Variants in CDH4 observed in about 807,000 individuals in gnomAD.
The protein encoded by CDH4 is cadherin 4.
Under a neutral mutation model 86.0 loss-of-function variants are expected in CDH4, and 33 were observed. The observed-to-expected ratio is 0.38, with a 90% confidence interval of 0.29 to 0.51. The LOEUF is 0.51. Among genes scored for constraint, CDH4 ranks in the 20% least tolerant of loss-of-function variants. CDH4 has a pLI of 0.86. For synonymous variants in CDH4, 555 were observed against 549.4 expected, an observed-to-expected ratio of 1.01 and a Z score of -0.14; for missense variants, 1,114 against 1,307.4, an observed-to-expected ratio of 0.85 and a Z score of 2.28.
intron 2 of CDH4, among the ~76,000 whole-genome samples, chr20:61,598,667 C>T (rs1204265831): frequency 2.0e-5 from 3 of 152,172 alleles, no homozygotes; most frequent in Non-Finnish European, 2.9e-5. Context: ...TCCTGTAGAA[C>T]GGGGACTTTG....
chr20:61,367,682 G>C (rs909765904), intron 2 of CDH4, among the ~76,000 whole-genome samples: 2 of 152,012 alleles, frequency 1.3e-5, no homozygotes, highest in African/African-American at 4.8e-5. Context: ...ACTTTCTTGC[G>C]GCAAAATGTC....
intron 2 of CDH4, among the ~76,000 whole-genome samples, chr20:61,284,032 C>T (rs1030265117): frequency 2.0e-5 from 3 of 151,854 alleles, no homozygotes; most frequent in African/African-American, 7.3e-5. Flanking sequence ...TTTGGCCGGG[C>T]GCGGTGGCTC....
chr20:61,830,296 G>A (rs1981536839), intron 4 of CDH4, among the ~76,000 whole-genome samples: 2 of 152,142 alleles, frequency 1.3e-5, no homozygotes, highest in African/African-American at 2.4e-5. Flanking sequence ...TCAGCGTCCT[G>A]CGTGGAACAT....
At chr20:61,530,282 G>T (rs185135371) in intron 2 of CDH4, among the ~76,000 whole-genome samples, 1 of 152,058 alleles carries the variant, frequency 6.6e-6, no homozygotes, top group Non-Finnish European at 1.5e-5. Flanking sequence ...CCGCCCCTTC[G>T]GCCTCCCAAA....
At chr20:61,336,427 C>T (rs1370100669) in intron 2 of CDH4, among the ~76,000 whole-genome samples, 1 of 152,220 alleles carries the variant, frequency 6.6e-6, no homozygotes, top group Non-Finnish European at 1.5e-5. Context: ...ACAACCACCA[C>T]CACCACCACG....
At chr20:61,674,104 C>G (rs2087419857) in intron 2 of CDH4, among the ~76,000 whole-genome samples, 1 of 152,156 alleles carries the variant, frequency 6.6e-6, no homozygotes, top group African/African-American at 2.4e-5. Context: ...CCCTAGCTTT[C>G]TTCTGCAGCC....
intron 4 of CDH4, among the ~76,000 whole-genome samples, chr20:61,780,109 G>A (rs1430267810): frequency 2.0e-5 from 3 of 152,164 alleles, no homozygotes; most frequent in African/African-American, 7.2e-5. Flanking sequence ...TGGCCTGAAT[G>A]CTCACCTTGC....
chr20:61,364,365 G>A (rs2123324470), intron 2 of CDH4, among the ~76,000 whole-genome samples: 1 of 152,286 alleles, frequency 6.6e-6, no homozygotes, highest in Admixed American at 6.5e-5. Context: ...CTATCCCTGG[G>A]GGCTCCTCAC....
intron 2 of CDH4, among the ~76,000 whole-genome samples, chr20:61,276,825 C>T (rs570079718): frequency 4.6e-5 from 7 of 152,192 alleles, no homozygotes; most frequent in Non-Finnish European, 1.0e-4. Flanking sequence ...TCACATTGTT[C>T]ATTGCTGTTA....
At chr20:61,741,101 TG>T (rs2088326869) in intron 2 of CDH4, among the ~76,000 whole-genome samples, 2 of 152,024 alleles carry the variant, frequency 1.3e-5, no homozygotes, top group Admixed American at 6.5e-5. Flanking sequence ...CCCAGCTACT[TG>T]GGAGGCTGAG....
chr20:61,388,229 A>T (rs781468906), intron 2 of CDH4, among the ~76,000 whole-genome samples: 12 of 147,982 alleles, frequency 8.1e-5, no homozygotes, highest in Non-Finnish European at 1.6e-4. Context: ...GTCGGCCGGG[A>T]GCAGAGCCCT....
intron 2 of CDH4, among the ~76,000 whole-genome samples, chr20:61,384,651 C>G (rs753249595): frequency 1.8e-4 from 27 of 152,142 alleles, no homozygotes; most frequent in Non-Finnish European, 3.7e-4. Flanking sequence ...GACTTGCCTT[C>G]CAATTCACCA....
At chr20:61,785,925 T>C (rs570993801) in intron 4 of CDH4, among the ~76,000 whole-genome samples, 2 of 152,296 alleles carry the variant, frequency 1.3e-5, no homozygotes, top group Non-Finnish European at 2.9e-5. Flanking sequence ...CAAAGGAACC[T>C]TCAGACTGAA....
intron 2 of CDH4, among the ~76,000 whole-genome samples, chr20:61,603,141 T>C (rs1346973434): frequency 6.6e-6 from 1 of 152,184 alleles, no homozygotes; most frequent in Non-Finnish European, 1.5e-5. Context: ...TTTTATTCTC[T>C]GGGCACCCCT....
chr20:61,464,540 C>T (rs1028273646), intron 2 of CDH4, among the ~76,000 whole-genome samples: 5 of 152,210 alleles, frequency 3.3e-5, no homozygotes, highest in South Asian at 4.1e-4. Flanking sequence ...TGCTTTTGCA[C>T]GCAGCACTTG....
chr20:61,404,727 T>TC (rs1479802101), intron 2 of CDH4, among the ~76,000 whole-genome samples: 36 of 152,244 alleles, frequency 2.4e-4, no homozygotes, highest in African/African-American at 8.2e-4. Flanking sequence ...TTTTTTTTTT[T>TC]TTCTTTTTTT....
intron 13 of CDH4, among the ~76,000 whole-genome samples, chr20:61,931,126 C>G (rs2055103889): frequency 1.3e-5 from 2 of 152,228 alleles, no homozygotes; most frequent in African/African-American, 4.8e-5. Context: ...CTCCACACTC[C>G]TCCTCTCAAC....
chr20:61,894,739 G>A (rs1985017744), intron 7 of CDH4, among the ~76,000 whole-genome samples, 171 bp from the exon 8 acceptor site: 1 of 152,220 alleles, frequency 6.6e-6, no homozygotes, highest in Non-Finnish European at 1.5e-5. Context: ...CCGACAGGCA[G>A]TGTCAACCAG....
chr20:61,866,028 A>G lies in CDH4; in HGVS notation c.878-7700A>G, dbSNP rs183636128. On this transcript the variant is annotated intron_variant, in intron 6 of 15. Transcript: ENST00000614565. Reference sequence around the variant, plus strand: ...ACCTGGGATCATACGGTACCCTGTCACCACCAGCATCCTGGCACTGAGGTC... The same window carrying G: ...ACCTGGGATCATACGGTACCCTGTCGCCACCAGCATCCTGGCACTGAGGTC... Among the ~76,000 whole-genome samples, 31 of 152,274 alleles carry G rather than the reference A, an allele frequency of 2.0e-4. No homozygotes were observed. In the East Asian group the frequency reaches 6.0e-3, roughly 29 times the overall value.
Sources: gnomAD v4.1 joint callset for allele counts (sites outside exome capture counted in the v4.1 genomes callset) on GRCh38, gnomAD v4.1.1 for gene constraint, MANE v1.5 for transcripts, NCBI Gene and HGNC (gene_info 2026-07-23, HGNC 2026-07-21) for gene names.